Variants in NDFIP2 observed in about 807,000 individuals in gnomAD.
NDFIP2 encodes the protein Nedd4 family interacting protein 2.
Under a neutral mutation model 36.0 loss-of-function variants are expected in NDFIP2, and 19 were observed. The ratio of observed to expected loss-of-function variants is 0.53; its 90% CI spans 0.37 to 0.77. The LOEUF is 0.77. Among genes scored for constraint, NDFIP2 ranks in the 30% least tolerant of loss-of-function variants. NDFIP2 has a pLI of 0.00. For missense variants in NDFIP2, 446 were observed against 435.8 expected (o/e 1.02, Z -0.21); for synonymous variants, 181 against 167.7 (o/e 1.08, Z -0.61).
At chr13:79,514,803 T>G (rs1036267307) in intron 1 of NDFIP2, among the ~76,000 whole-genome samples, 1 of 152,264 alleles carries the variant, frequency 6.6e-6, no homozygotes, top group African/African-American at 2.4e-5. Flanking sequence ...TCATCACTTC[T>G]TGCCTGCTTA....
chr13:79,523,370 G>A (rs1417889092), intron 2 of NDFIP2, among the ~76,000 whole-genome samples: 1 of 152,042 alleles, frequency 6.6e-6, no homozygotes, highest in African/African-American at 2.4e-5. Context: ...ACAGGCATGT[G>A]CCACCACACC....
At chr13:79,545,541 A>G (rs1875634634) in intron 5 of NDFIP2, among the ~76,000 whole-genome samples, 1 of 152,232 alleles carries the variant, frequency 6.6e-6, no homozygotes, top group Non-Finnish European at 1.5e-5. Context: ...GTTATAAGAA[A>G]AGGACTTAAA....
chr13:79,484,553 C>A (rs2079831952), intron 1 of NDFIP2, among the ~76,000 whole-genome samples: 1 of 152,174 alleles, frequency 6.6e-6, no homozygotes, highest in Non-Finnish European at 1.5e-5. Flanking sequence ...TTTCTTTAAC[C>A]TAGCTCTTCC....
chr13:79,491,834 G>A (rs1873236135), intron 1 of NDFIP2, among the ~76,000 whole-genome samples: 1 of 152,136 alleles, frequency 6.6e-6, no homozygotes, highest in African/African-American at 2.4e-5. Context: ...TGTTGTTATG[G>A]TTTCTTTCAG....
At chr13:79,497,663 T>G (rs1473696874) in intron 1 of NDFIP2, among the ~76,000 whole-genome samples, 2 of 148,200 alleles carry the variant, frequency 1.3e-5, no homozygotes, top group East Asian at 1.9e-4. Context: ...TTTCTGAGTT[T>G]TTTTTTTTTT....
rs533213199 is a variant in NDFIP2 at position 79,539,829 on chromosome 13, G to A, written c.715+54G>A. 13 of 1,407,884 alleles carry A rather than the reference G, an allele frequency of 9.2e-6. No individual in the cohort carries two copies. In the South Asian group the frequency reaches 1.4e-4, roughly 15 times the overall value. 87.2% of individuals were successfully genotyped at this position (1,407,884 alleles called of 1,614,324 possible). A position where few individuals can be genotyped will look rare whatever the true frequency, so the allele number is the denominator to read the frequency against. On this transcript the variant is annotated intron_variant, in intron 4 of 7. Coordinates refer to ENST00000218652, the MANE Select transcript of NDFIP2 (RefSeq NM_019080.3). The stretch of plus-strand genomic sequence containing the variant: ...TTGTTTTTATGAATTGGCTGTATGT[G>A]TATTAAAGTAACATAGTGAAGAGAA...
chr13:79,515,069 A>T (rs1233497197), intron 1 of NDFIP2, among the ~76,000 whole-genome samples: 7 of 152,208 alleles, frequency 4.6e-5, no homozygotes, highest in African/African-American at 2.4e-5. Context: ...CCTAGATGGT[A>T]TAGCCTACTA....
chr13:79,546,664 G>A (rs1705806440), intron 5 of NDFIP2, among the ~76,000 whole-genome samples: 2 of 152,078 alleles, frequency 1.3e-5, no homozygotes, highest in South Asian at 4.2e-4. Flanking sequence ...CCTTCTCTTT[G>A]ACATCAGGGT....
chr13:79,486,790 T>C (rs938210850), intron 1 of NDFIP2, among the ~76,000 whole-genome samples: 3 of 152,212 alleles, frequency 2.0e-5, no homozygotes, highest in Non-Finnish European at 4.4e-5. Flanking sequence ...TATACTGGGG[T>C]CCTGTAAGAT....
chr13:79,533,007 A>G (rs1183368054), intron 2 of NDFIP2, among the ~76,000 whole-genome samples: 1 of 152,212 alleles, frequency 6.6e-6, no homozygotes, highest in Non-Finnish European at 1.5e-5. Context: ...TAATAAGCAC[A>G]TAGAGAATAC....
intron 1 of NDFIP2, among the ~76,000 whole-genome samples, chr13:79,490,316 A>C (rs1367238314): frequency 6.6e-6 from 1 of 152,158 alleles, no homozygotes; most frequent in African/African-American, 2.4e-5. Flanking sequence ...AATTATTAAG[A>C]ATTTTAAGAC....
At chr13:79,547,218 C>T (rs1249936414) in intron 5 of NDFIP2, among the ~76,000 whole-genome samples, 2 of 151,970 alleles carry the variant, frequency 1.3e-5, no homozygotes, top group African/African-American at 4.8e-5. Context: ...ACATTATTTA[C>T]AATTTGTAAG....
rs527582728 is a variant in NDFIP2, at chr13:79,497,599, G to A, written c.321+16075G>A. On this transcript the variant is annotated intron_variant, in intron 1 of 7. Transcript: ENST00000218652. ...TAAGTTCATAGTTGCTCTCCGTTGG[G>A]AAGGTTGGACTGTAGGGGGTTACTG... Among the ~76,000 whole-genome samples the A allele has an allele frequency of 6.7e-5, 10 of 149,374 alleles. No homozygotes were observed. The South Asian group carries it at 1.5e-3, about 22-fold the overall frequency.
At chr13:79,491,499 C>T (rs1191239170) in intron 1 of NDFIP2, among the ~76,000 whole-genome samples, 1 of 152,188 alleles carries the variant, frequency 6.6e-6, no homozygotes, top group Non-Finnish European at 1.5e-5. Context: ...CCCTGCTTAT[C>T]ACCTTCATAA....
Position 79,531,489 on chromosome 13 carries a change from G to A in NDFIP2, c.488-1834G>A, listed in dbSNP as rs541753168. 2.0e-4 allele frequency among the ~76,000 whole-genome samples: 31 copies of A among 152,294 alleles called. No individual in the cohort carries two copies. The South Asian group carries it at 6.0e-3, about 30-fold the overall frequency. ...CCTAGAAGGCATCTTCCAGTAGAAAGCTGTGTCATCTACATTGAAAATCTG... is the reference window on the plus strand; with the variant it reads ...CCTAGAAGGCATCTTCCAGTAGAAAACTGTGTCATCTACATTGAAAATCTG... On this transcript the variant is annotated intron_variant, in intron 2 of 7. Coordinates refer to ENST00000218652, the MANE Select transcript of NDFIP2 (RefSeq NM_019080.3).
At chr13:79,516,089 C>A (rs931423144) in intron 1 of NDFIP2, among the ~76,000 whole-genome samples, 1 of 152,038 alleles carries the variant, frequency 6.6e-6, no homozygotes, top group Non-Finnish European at 1.5e-5. Flanking sequence ...GACCCTGGAA[C>A]AACAAGTATA....
intron 1 of NDFIP2, among the ~76,000 whole-genome samples, chr13:79,492,142 T>G (rs867388601): frequency 5.3e-5 from 8 of 152,226 alleles, no homozygotes; most frequent in African/African-American, 1.9e-4. Flanking sequence ...CTGGATTTCA[T>G]TTTGTAAAAG....
At chr13:79,538,544 G>A (rs1487670628) in intron 3 of NDFIP2, among the ~76,000 whole-genome samples, 1 of 152,152 alleles carries the variant, frequency 6.6e-6, no homozygotes, top group Admixed American at 6.6e-5. Context: ...CAAGCCCCAT[G>A]GAAGACCGAA....
chr13:79,550,929 G>T (rs1228229109), intron 6 of NDFIP2, 88 bp from the exon 7 acceptor site: 1 of 695,168 alleles, frequency 1.4e-6, no homozygotes, highest in African/African-American at 1.8e-5. Flanking sequence ...AAGCCAAGAG[G>T]ATCTTGTTTA....
Sources: gnomAD v4.1 joint callset for allele counts (sites outside exome capture counted in the v4.1 genomes callset) on GRCh38, gnomAD v4.1.1 for gene constraint, MANE v1.5 for transcripts, NCBI Gene and HGNC (gene_info 2026-07-23, HGNC 2026-07-21) for gene names.